The following TXNL4A variants were observed in gnomAD, a reference collection of about 807,000 sequenced individuals.
TXNL4A encodes the protein thioredoxin-like protein 4A.
A neutral mutation model predicts 14.6 loss-of-function variants in TXNL4A; 17 were observed. The ratio of observed to expected loss-of-function variants is 1.16; its 90% CI spans 0.80 to 1.74. The LOEUF is 1.74. Among genes scored for constraint, TXNL4A ranks in the 40% most tolerant of loss-of-function variants. The pLI is 0.00. For missense variants in TXNL4A, 74 were observed against 195.2 expected, an observed-to-expected ratio of 0.38 and a Z score of 3.70; for synonymous variants, 83 against 70.6, an observed-to-expected ratio of 1.18 and a Z score of -0.88.
At chr18:79,985,594 CCCA>C (rs1326375614) in intron 1 of TXNL4A, among the ~76,000 whole-genome samples, 1 of 152,126 alleles carries the variant, frequency 6.6e-6, no homozygotes, top group African/African-American at 2.4e-5. Flanking sequence ...AATGAATTGC[CCCA>C]CATTTATTAG....
chr18:80,009,611 A>G (rs2051756651), intron 1 of TXNL4A, among the ~76,000 whole-genome samples: 1 of 152,228 alleles, frequency 6.6e-6, no homozygotes, highest in South Asian at 2.1e-4. Context: ...CCAAGGCCAG[A>G]TTTAGAGCAA....
chr18:79,974,892 A>G (rs1331927485), intron 2 of TXNL4A, among the ~76,000 whole-genome samples: 1 of 151,948 alleles, frequency 6.6e-6, no homozygotes, highest in Non-Finnish European at 1.5e-5. Context: ...CCACCTAAAG[A>G]CTGTTTTTTA....
intron 1 of TXNL4A, among the ~76,000 whole-genome samples, chr18:80,032,354 G>T (rs1341223656): frequency 1.3e-5 from 2 of 152,186 alleles, no homozygotes; most frequent in East Asian, 1.9e-4. Flanking sequence ...GAAAAAAAAG[G>T]GGGGAAATGT....
intron 1 of TXNL4A, among the ~76,000 whole-genome samples, chr18:80,026,628 G>T (rs1334524508): frequency 6.6e-6 from 1 of 152,132 alleles, no homozygotes; most frequent in Non-Finnish European, 1.5e-5. Flanking sequence ...AACATGGTGG[G>T]TATGTCTAAT....
chr18:79,974,003 C>T, intron 2 of TXNL4A, 147 bp from the exon 3 acceptor site: 2 of 1,026,128 alleles, frequency 1.9e-6, no homozygotes, highest in Non-Finnish European at 1.4e-6. Flanking sequence ...TGCCATGATG[C>T]AGGAGAATAC....
Position 79,993,884 on chromosome 18 carries a change from C to G in TXNL4A, c.-60-16183G>C, listed in dbSNP as rs1767826368. The stretch of plus-strand genomic sequence containing the variant: ...TGGTAGGTGCATATAAGGAGCTGAC[C>G]CTTCCCACACCTGGAGCCCCTGACA... On this transcript the variant is annotated intron_variant, in intron 1 of 2. Transcript: ENST00000585474. The surrounding 1 kb of genome is among the most constrained non-coding windows in gnomAD (Gnocchi z 4.4). 1.3e-5 allele frequency among the ~76,000 whole-genome samples: 2 copies of G among 152,046 alleles called. No homozygotes were observed. Among genetic ancestry groups the G allele is most frequent in the South Asian group, 4.1e-4 (2 of 4,822 alleles).
At chr18:79,994,453 C>G (rs1349608553) in intron 1 of TXNL4A, among the ~76,000 whole-genome samples, 1 of 151,670 alleles carries the variant, frequency 6.6e-6, no homozygotes, top group Non-Finnish European at 1.5e-5. Context: ...GGGGAAAGAT[C>G]ACCTCATCTC....
At chr18:80,003,094 A>G (rs926933652) in intron 1 of TXNL4A, among the ~76,000 whole-genome samples, 4 of 152,248 alleles carry the variant, frequency 2.6e-5, no homozygotes, top group African/African-American at 9.6e-5. Flanking sequence ...CAGCCTGGCC[A>G]AGCTTACGCA....
In TXNL4A at chr18:79,973,616, T is replaced by C; in HGVS notation, c.*69A>G. 6.5e-7 allele frequency: 1 copy of C among 1,533,824 alleles called. No homozygotes were observed. Among genetic ancestry groups the C allele is most frequent in the Non-Finnish European group, 8.8e-7 (1 of 1,142,838 alleles). On this transcript the variant is annotated 3_prime_UTR_variant, in exon 3 of 3. Coordinates refer to ENST00000269601, the MANE Select transcript of TXNL4A (RefSeq NM_006701.5). ...GAGCTTCCTGTATTTTCCAAAGGCT[T>C]TAAATAGCTTAAAACGTTTCCATAC...
At chr18:79,974,780 A>T (rs2051353643) in intron 2 of TXNL4A, among the ~76,000 whole-genome samples, 1 of 152,100 alleles carries the variant, frequency 6.6e-6, no homozygotes, top group East Asian at 1.9e-4. Flanking sequence ...TGCCGGCCTG[A>T]TTATTTTTCT....
intron 1 of TXNL4A, among the ~76,000 whole-genome samples, chr18:80,015,269 T>A (rs999446449): frequency 2.6e-4 from 39 of 152,158 alleles, no homozygotes; most frequent in African/African-American, 9.2e-4. Flanking sequence ...AAAATGGACT[T>A]TTCTTTTCTA....
At chr18:80,026,740 CAT>C (rs35714770) in intron 1 of TXNL4A, among the ~76,000 whole-genome samples, 70,029 of 151,876 alleles carry the variant, frequency 0.46, 16,922 homozygotes, top group East Asian at 0.75. Context: ...GCAGGTCCCA[CAT>C]GTCTCTTATA....
At chr18:79,991,148 C>T (rs2051626412), upstream of TXNL4A, among the ~76,000 whole-genome samples, 1 of 150,792 alleles carries the variant, frequency 6.6e-6, no homozygotes, top group Non-Finnish European at 1.5e-5. Context: ...AGATCTAATC[C>T]ATATACTATA....
chr18:80,006,888 T>TTTATTATGCAAATC (rs1459557810), intron 1 of TXNL4A, among the ~76,000 whole-genome samples: 1 of 152,220 alleles, frequency 6.6e-6, no homozygotes, highest in Non-Finnish European at 1.5e-5. Flanking sequence ...AACTCATCCT[T>TTTATTATGCAAATC]TTATTATGCA....
chr18:80,026,039 T>C (rs920420998), intron 1 of TXNL4A, among the ~76,000 whole-genome samples: 97 of 152,210 alleles, frequency 6.4e-4, no homozygotes, highest in African/African-American at 2.3e-3. Flanking sequence ...TTTTAGACAA[T>C]ATTGTGAGAT....
intron 1 of TXNL4A, chr18:79,995,392 A>G (rs1290207253): frequency 6.6e-6 from 1 of 152,242 alleles, no homozygotes; most frequent in Non-Finnish European, 1.5e-5. Flanking sequence ...GCATTCCTTC[A>G]GTGTCCCGGA....
chr18:79,989,208 G>A (rs1240540860), upstream of TXNL4A, among the ~76,000 whole-genome samples: 1 of 151,996 alleles, frequency 6.6e-6, no homozygotes, highest in Non-Finnish European at 1.5e-5. Context: ...TCCGCCTCCC[G>A]GGGTCAAGCG....
chr18:79,975,453 C>T (rs2051364610), intron 2 of TXNL4A, among the ~76,000 whole-genome samples: 2 of 152,254 alleles, frequency 1.3e-5, no homozygotes, highest in African/African-American at 4.8e-5. Flanking sequence ...TAGGCTGCTC[C>T]CGCCACCCAA....
At chr18:79,985,603 A>G (rs2051535282) in intron 1 of TXNL4A, among the ~76,000 whole-genome samples, 1 of 152,240 alleles carries the variant, frequency 6.6e-6, no homozygotes, top group South Asian at 2.1e-4. Context: ...CCCCACATTT[A>G]TTAGCAAACT....
Sources: allele counts gnomAD v4.1 joint callset (sites outside exome capture counted in the v4.1 genomes callset), GRCh38; gene constraint gnomAD v4.1.1; non-coding constraint Gnocchi (gnomAD v3.1); transcripts MANE v1.5; gene names NCBI Gene and HGNC (gene_info 2026-07-23, HGNC 2026-07-21).